The following DCLRE1C variants were observed in gnomAD, a reference collection of about 807,000 sequenced individuals.
DCLRE1C encodes DNA cross-link repair 1C, also known as protein artemis.
Under a neutral mutation model 61.4 loss-of-function variants are expected in DCLRE1C, and 47 were observed. That is an observed-to-expected ratio of 0.77 (90% confidence interval 0.61 to 0.98). The LOEUF is 0.98. Among genes scored for constraint, DCLRE1C ranks in the 50% least tolerant of loss-of-function variants. DCLRE1C has a pLI of 0.00. For synonymous variants in DCLRE1C, 337 were observed against 287.6 expected (o/e 1.17, Z -1.74); for missense variants, 858 against 816.0 (o/e 1.05, Z -0.63).
At chr10:14,953,152 A>AT (rs1842703439) in intron 1 of DCLRE1C, among the ~76,000 whole-genome samples, 1 of 152,222 alleles carries the variant, frequency 6.6e-6, no homozygotes, top group African/African-American at 2.4e-5. Context: ...CACAATGAGC[A>AT]TTAAAACTGT....
upstream of DCLRE1C, chr10:14,954,104 G>T: frequency 6.3e-7 from 1 of 1,591,140 alleles, no homozygotes; most frequent in African/African-American, 1.3e-5. Context: ...GCCGCGCGCT[G>T]CCTCGCCATT....
chr10:14,922,274 C>CT (rs1292771632), intron 12 of DCLRE1C, among the ~76,000 whole-genome samples: 12 of 152,038 alleles, frequency 7.9e-5, no homozygotes, highest in Non-Finnish European at 1.8e-4. Context: ...AACCTTGTCT[C>CT]TACTAAAAAT....
intron 13 of DCLRE1C, among the ~76,000 whole-genome samples, chr10:14,913,364 C>T (rs1248929907): frequency 2.0e-5 from 3 of 152,092 alleles, no homozygotes; most frequent in Non-Finnish European, 1.5e-5. Flanking sequence ...GAATTGTTCA[C>T]CTATAATGGA....
chr10:14,909,146 T>C lies in DCLRE1C; in HGVS notation c.1341A>G (p.Thr447=), dbSNP rs775633789. Residue 447 remains threonine (T), a synonymous_variant, in exon 14 of 14, where the codon ACA becomes ACG. Transcript: ENST00000378278. The part of the protein sequence containing the change: ...RAECMQSSRF[T]NFVDCEESNS... ...TGGATTCTTCACAATCTACAAAGTT[T>C]GTGAAACGAGAGCTCTGCATACACT... 3.7e-6 allele frequency: 6 copies of C among 1,614,244 alleles called. No individual in the cohort carries two copies. The highest frequency in any genetic ancestry group is 5.1e-6 in the Non-Finnish European group (6 of 1,180,040).
intron 12 of DCLRE1C, chr10:14,920,250 A>C: frequency 1.2e-5 from 5 of 419,526 alleles, no homozygotes; most frequent in East Asian, 9.0e-5. Context: ...CCTGTTCAGT[A>C]GGGTTTACTT....
intron 9 of DCLRE1C, among the ~76,000 whole-genome samples, chr10:14,932,265 A>G (rs1262805312): frequency 3.3e-5 from 5 of 152,258 alleles, no homozygotes; most frequent in East Asian, 3.9e-4. Flanking sequence ...TGTTTAAGTT[A>G]TAAGCTATAA....
chr10:14,952,709 C>CA lies in DCLRE1C; in HGVS notation c.109+1192dup, dbSNP rs201701463. Among the ~76,000 whole-genome samples, 1,033 of 150,704 alleles carry CA rather than the reference C, an allele frequency of 6.9e-3. 13 individuals are homozygous for CA. Among genetic ancestry groups the CA allele is most frequent in the African/African-American group, 0.024 (992 of 41,038 alleles). ...GGGCGACAAAGGGAGACCCTGTCTCCAAAAAAAAGAAAAAGAAGAAGGAGA... is the reference window on the plus strand; with the variant it reads ...GGGCGACAAAGGGAGACCCTGTCTCCAAAAAAAAAGAAAAAGAAGAAGGAGA... On this transcript the variant is annotated intron_variant, in intron 1 of 13. Transcript: ENST00000378278.
At chr10:14,950,668 GTT>G (rs1388140466) in intron 1 of DCLRE1C, among the ~76,000 whole-genome samples, 2 of 152,184 alleles carry the variant, frequency 1.3e-5, no homozygotes, top group Non-Finnish European at 2.9e-5. Flanking sequence ...TTTCCAAAGA[GTT>G]TGCGCCATGG....
rs1025682740 is a variant in DCLRE1C at position 14,945,595 on chromosome 10, C to T, written c.162-406G>A. On this transcript the variant is annotated intron_variant, in intron 2 of 13. Coordinates refer to ENST00000378278, the MANE Select transcript of DCLRE1C (RefSeq NM_001033855.3). ...AAAGATACCGCCACACATTACACTACCTCTGGAAAAGGTGTGTTGAGAACA... is the reference window on the plus strand; with the variant it reads ...AAAGATACCGCCACACATTACACTATCTCTGGAAAAGGTGTGTTGAGAACA... 5.9e-6 allele frequency: 6 copies of T among 1,015,076 alleles called. No individual in the cohort carries two copies. The African/African-American group carries it at 1.0e-4, about 18-fold the overall frequency. The allele number at this position is 1,015,076 out of a possible 1,614,324, so 62.9% of individuals were successfully genotyped here. A position where few individuals can be genotyped will look rare whatever the true frequency, so the allele number is the denominator to read the frequency against.
chr10:14,948,108 C>T (rs141408917), intron 2 of DCLRE1C, among the ~76,000 whole-genome samples: 283 of 151,928 alleles, frequency 1.9e-3, no homozygotes, highest in African/African-American at 6.6e-3. Flanking sequence ...GGTGCAAAGG[C>T]TCATGCCTAT....
chr10:14,906,036 G>A lies in DCLRE1C; in HGVS notation c.*2372C>T, dbSNP rs778087496. 5.3e-5 allele frequency among the ~76,000 whole-genome samples: 8 copies of A among 152,132 alleles called. No homozygotes were observed. The highest frequency in any genetic ancestry group is 1.0e-4 in the Non-Finnish European group (7 of 68,016). The stretch of plus-strand genomic sequence containing the variant: ...CCTCTTGTGGTTTATGATTCTTGAC[G>A]TAAAAACCAAGTAGCTGCTACAATT... On this transcript the variant is annotated 3_prime_UTR_variant, in exon 14 of 14. Coordinates refer to ENST00000378278, the MANE Select transcript of DCLRE1C (RefSeq NM_001033855.3).
At chr10:14,933,681 G>T (rs1248640738) in intron 8 of DCLRE1C, among the ~76,000 whole-genome samples, 1 of 152,068 alleles carries the variant, frequency 6.6e-6, no homozygotes, top group Non-Finnish European at 1.5e-5. Flanking sequence ...GCATATACAT[G>T]ATGTACAACA....
intron 4 of DCLRE1C, among the ~76,000 whole-genome samples, chr10:14,938,196 G>A (rs1175575659): frequency 6.6e-6 from 1 of 152,174 alleles, no homozygotes; most frequent in African/African-American, 2.4e-5. Flanking sequence ...GTGGTGGCAG[G>A]ACTGCTCAAA....
At chr10:14,944,875 A>ATGTTGGCCAGGCTGGTCATGAAC (rs1841438745) in intron 3 of DCLRE1C, among the ~76,000 whole-genome samples, 2 of 151,752 alleles carry the variant, frequency 1.3e-5, no homozygotes, top group Non-Finnish European at 2.9e-5. Context: ...GGGTTTTACC[A>ATGTTGGCCAGGCTGGTCATGAAC]TGTTGGCCAG....
In DCLRE1C at chr10:14,935,529, T is replaced by A; in HGVS notation, c.398A>T (p.Tyr133Phe). The A allele has an allele frequency of 6.2e-7, 1 of 1,614,142 alleles. No homozygotes were observed. Residue 133 changes from tyrosine (Y) to phenylalanine (F), a missense_variant, in exon 6 of 14, where the codon TAC becomes TTC. By Grantham distance (22) the Tyr-to-Phe change is conservative. Transcript: ENST00000378278. ...TTGCGCCAATCTGAAGTCTCCTGTG[T>A]ACAGGACAGTTCCATTATTGCCCTG... Reference protein sequence around the residue: ...LFQGNNGTVLYTGDFRLAQGE... With the variant: ...LFQGNNGTVLFTGDFRLAQGE...
Position 14,909,200 on chromosome 10 carries a change from C to T in DCLRE1C, c.1287G>A (p.Leu429=), listed in dbSNP as rs115081573. 4 of 1,613,970 alleles carry T rather than the reference C, an allele frequency of 2.5e-6. No individual in the cohort carries two copies. In the African/African-American group the frequency reaches 5.3e-5, roughly 22 times the overall value. ...TAVSEKQPEK[L]RQTPGCCRAE... ...CTCTGCAGCATCCTGGGGTTTGTCT[C>T]AGTTTTTCAGGCTGCTTTTCTGATA... The change falls in exon 14 of 14, where the codon CTG becomes CTA. Residue 429 remains leucine (L), a synonymous_variant. Transcript: ENST00000378278.
intron 11 of DCLRE1C, among the ~76,000 whole-genome samples, chr10:14,926,397 T>G (rs1307742941): frequency 6.6e-6 from 1 of 152,130 alleles, no homozygotes; most frequent in Admixed American, 6.5e-5. Context: ...GACTTACACG[T>G]GTAACCCAGC....
At chr10:14,931,915 T>C (rs571534448) in intron 9 of DCLRE1C, among the ~76,000 whole-genome samples, 1 of 152,194 alleles carries the variant, frequency 6.6e-6, no homozygotes, top group South Asian at 2.1e-4. Context: ...ATGCCTGTAA[T>C]CCCAGCTACA....
Position 14,928,094 on chromosome 10 carries a change from A to T in DCLRE1C, c.839T>A (p.Ile280Asn). 7 of 1,613,684 alleles carry T rather than the reference A, an allele frequency of 4.3e-6. No individual in the cohort carries two copies. Among genetic ancestry groups the T allele is most frequent in the Non-Finnish European group, 5.9e-6 (7 of 1,179,708 alleles). The change falls in exon 10 of 14, where the codon ATT (isoleucine) becomes AAT (asparagine). Residue 280 changes from isoleucine (I) to asparagine (N), a missense_variant. Ile to Asn is a moderately radical substitution (Grantham distance 149, BLOSUM62 -3). This residue lies in a region of DCLRE1C where 843 missense variants were observed against 783.5 expected (regional missense o/e 1.08). Transcript: ENST00000378278. ...CTTAATGCTGATTATGTGGAGTGGAATTCTATTTCTGGAAGTAATTCCACA... is the reference window on the plus strand; with the variant it reads ...CTTAATGCTGATTATGTGGAGTGGATTTCTATTTCTGGAAGTAATTCCACA... ...LPCGITSRNR[I>N]PLHIISIKPS...
Sources: gnomAD v4.1 joint callset for allele counts (sites outside exome capture counted in the v4.1 genomes callset) on GRCh38, gnomAD v4.1.1 for gene constraint, gnomAD v4.1.1 regional missense constraint, MANE v1.5 for transcripts, NCBI Gene and HGNC (gene_info 2026-07-23, HGNC 2026-07-21) for gene names.